The following FSD1L variants were observed in gnomAD, a reference collection of about 807,000 sequenced individuals.
FSD1L encodes the protein FSD1-like protein.
In FSD1L, 45 loss-of-function variants were observed where a neutral mutation model predicts 71.6. That is an observed-to-expected ratio of 0.63 (90% CI 0.49 to 0.81). The LOEUF (loss-of-function observed/expected upper bound fraction) is 0.81, where lower values mean the gene tolerates loss of function less well. FSD1L is among the 30% of genes least tolerant of loss of function. The pLI is 0.00. For synonymous variants in FSD1L, 197 were observed against 207.2 expected, an observed-to-expected ratio of 0.95 and a Z score of 0.42; for missense variants, 561 against 618.1, an observed-to-expected ratio of 0.91 and a Z score of 0.98.
In FSD1L at chr9:105,493,336, A is replaced by T. The variant is rs1413853531; in HGVS notation, c.586+8834A>T. Among the ~76,000 whole-genome samples, 1,110 of 151,180 alleles carry T rather than the reference A, an allele frequency of 7.3e-3. 15 individuals are homozygous for T. Among genetic ancestry groups the T allele is most frequent in the African/African-American group, 0.026 (1,056 of 40,738 alleles). On this transcript the variant is annotated intron_variant, in intron 7 of 13. Coordinates refer to ENST00000481272, the MANE Select transcript of FSD1L (RefSeq NM_001145313.3). ...TAGGATTGCAACCCCTGCCTTTTTT[A>T]GTTTTCCATTTGCTTGGTACATCTT...
intron 13 of FSD1L, 104 bp from the exon 14 acceptor site, chr9:105,546,254 T>G: frequency 1.0e-6 from 1 of 976,440 alleles, no homozygotes; most frequent in Non-Finnish European, 1.5e-6. Flanking sequence ...TTGAGAATGA[T>G]TGATGTTCAT....
intron 10 of FSD1L, chr9:105,523,313 C>T (rs1226340319): frequency 5.7e-6 from 9 of 1,588,852 alleles, no homozygotes; most frequent in Admixed American, 5.0e-5. Context: ...ATCTGCAGCT[C>T]GATGAGAAGC....
At chr9:105,536,700 G>A (rs1987634) in intron 12 of FSD1L, among the ~76,000 whole-genome samples, 103,270 of 151,990 alleles carry the variant, frequency 0.68, 35,443 homozygotes, top group African/African-American at 0.76. Context: ...CAGTGGCTCA[G>A]TCTCAGCTCA....
intron 6 of FSD1L, among the ~76,000 whole-genome samples, chr9:105,481,292 T>TC (rs2131692819): frequency 6.6e-6 from 1 of 151,472 alleles, no homozygotes; most frequent in East Asian, 1.9e-4. Context: ...CAACTTAATT[T>TC]TTTTTTTTTT....
At chr9:105,526,003 A>T in intron 10 of FSD1L, 1 of 1,543,418 alleles carries the variant, frequency 6.5e-7, no homozygotes, top group Non-Finnish European at 9.0e-7. Context: ...AGACTACAGG[A>T]GAGGAATTAT....
chr9:105,500,158 C>G (rs971446992), intron 7 of FSD1L, among the ~76,000 whole-genome samples: 1 of 152,158 alleles, frequency 6.6e-6, no homozygotes, highest in Non-Finnish European at 1.5e-5. Flanking sequence ...AATTATTGGT[C>G]TGATAATTCC....
At position 105,481,141 on chromosome 9, in the gene FSD1L, CTGTGTGTGTGTGTG is replaced by C. The variant is rs376069658; in HGVS notation, c.464+1790_464+1803del. Among the ~76,000 whole-genome samples, 20 of 81,558 alleles carry C rather than the reference CTGTGTGTGTGTGTG, an allele frequency of 2.5e-4. No homozygotes were observed. The East Asian group carries it at 3.6e-3, about 15-fold the overall frequency. The allele number at this position is 81,558 out of a possible 152,430, so 53.5% of individuals were successfully genotyped here. On this transcript the variant is annotated intron_variant, in intron 6 of 13. Coordinates refer to ENST00000481272, the MANE Select transcript of FSD1L (RefSeq NM_001145313.3). ...TCAGGAATTAGGGTTCAGGCAAACT[CTGTGTGTGTGTGTG>C]TGTGTGTGTGTGTGTGTGTGTGTGG...
At chr9:105,532,875 T>C (rs1314109035) in intron 10 of FSD1L, among the ~76,000 whole-genome samples, 1 of 152,222 alleles carries the variant, frequency 6.6e-6, no homozygotes, top group Non-Finnish European at 1.5e-5. Flanking sequence ...CTGAGTTCTT[T>C]GAAATTGTCT....
rs535321767 is a variant in FSD1L, at chr9:105,546,288, A to T, written c.1468-70A>T. 9.6e-5 allele frequency: 138 copies of T among 1,432,996 alleles called. 1 individual carries two copies. The highest frequency in any genetic ancestry group is 2.1e-5 in the Non-Finnish European group (23 of 1,079,518). The allele number at this position is 1,432,996 out of a possible 1,614,324, so 88.8% of individuals were successfully genotyped here. ...ATATGTGTGGCATTTTGCCTTTGAA[A>T]TGGAAATTTAAAAATCACTGAAATT... On this transcript the variant is annotated intron_variant, in intron 13 of 13. Coordinates refer to ENST00000481272, the MANE Select transcript of FSD1L (RefSeq NM_001145313.3).
In FSD1L at chr9:105,448,112, C is replaced by A; in HGVS notation, c.-109C>A. 1 of 1,221,296 alleles carries A rather than the reference C, an allele frequency of 8.2e-7. No homozygotes were observed. The highest frequency in any genetic ancestry group is 1.2e-6 in the Non-Finnish European group (1 of 858,596). The allele number at this position is 1,221,296 out of a possible 1,614,324, so 75.7% of individuals were successfully genotyped here. A position where few individuals can be genotyped will look rare whatever the true frequency, so the allele number is the denominator to read the frequency against. On this transcript the variant is annotated 5_prime_UTR_variant, in exon 1 of 14. Transcript: ENST00000481272. The stretch of plus-strand genomic sequence containing the variant: ...CGGGTGGGGCCGGGCGGTGCCGGTG[C>A]GGGCTGGGGCAGTGCAGTGAGTAGC...
At chr9:105,542,115 C>G (rs1005313677) in intron 13 of FSD1L, among the ~76,000 whole-genome samples, 1 of 152,110 alleles carries the variant, frequency 6.6e-6, no homozygotes, top group African/African-American at 2.4e-5. Context: ...GGGTAAATAC[C>G]TAAGAGCAGT....
chr9:105,466,764 T>C (rs901701642), intron 3 of FSD1L, among the ~76,000 whole-genome samples: 5 of 152,188 alleles, frequency 3.3e-5, no homozygotes, highest in Non-Finnish European at 7.3e-5. Flanking sequence ...TCAGCTTTCT[T>C]TAGATAAGCA....
At chr9:105,455,654 A>G (rs912902914) in intron 1 of FSD1L, among the ~76,000 whole-genome samples, 12 of 152,174 alleles carry the variant, frequency 7.9e-5, no homozygotes, top group Non-Finnish European at 1.8e-4. Flanking sequence ...CTGAATTTGA[A>G]TCATGACTGC....
chr9:105,492,971 A>T (rs1484782292), intron 7 of FSD1L, among the ~76,000 whole-genome samples: 4 of 152,120 alleles, frequency 2.6e-5, no homozygotes, highest in African/African-American at 7.2e-5. Flanking sequence ...AAAAATGTAT[A>T]TTCTGTTGAT....
chr9:105,513,848 A>G (rs1834542199), intron 10 of FSD1L, among the ~76,000 whole-genome samples: 1 of 152,232 alleles, frequency 6.6e-6, no homozygotes, highest in African/African-American at 2.4e-5. Flanking sequence ...ATATGGTAAC[A>G]AAATAAGCTC....
chr9:105,466,001 ACT>A (rs145768242), intron 3 of FSD1L, among the ~76,000 whole-genome samples: 36,668 of 151,822 alleles, frequency 0.24, 4,886 homozygotes, highest in Non-Finnish European at 0.31. Flanking sequence ...TCTTTAGAAG[ACT>A]CTAAAGACTC....
chr9:105,521,425 T>C (rs1343375288), intron 10 of FSD1L: 1 of 1,613,982 alleles, frequency 6.2e-7, no homozygotes, highest in Non-Finnish European at 8.5e-7. Context: ...GAAGAACATC[T>C]CACAGACATT....
intron 10 of FSD1L, among the ~76,000 whole-genome samples, chr9:105,519,785 G>A (rs1291549722): frequency 6.6e-6 from 1 of 152,204 alleles, no homozygotes; most frequent in Admixed American, 6.5e-5. Flanking sequence ...CCACCTTCGT[G>A]GCTCTGGATC....
intron 7 of FSD1L, among the ~76,000 whole-genome samples, chr9:105,496,330 C>T (rs1199357981): frequency 6.6e-6 from 1 of 150,952 alleles, no homozygotes; most frequent in Non-Finnish European, 1.5e-5. Context: ...TAGTTTCAGT[C>T]TTCCAACTTT....
Sources: gnomAD v4.1 joint callset for allele counts (sites outside exome capture counted in the v4.1 genomes callset) on GRCh38, gnomAD v4.1.1 for gene constraint, MANE v1.5 for transcripts, NCBI Gene and HGNC (gene_info 2026-07-23, HGNC 2026-07-21) for gene names.